Variants in CYFIP2 observed in about 807,000 individuals in gnomAD.
CYFIP2 encodes the protein cytoplasmic FMR1-interacting protein 2.
CYFIP2 carries 29 observed loss-of-function variants against 158.7 expected under a neutral mutation model. The ratio of observed to expected loss-of-function variants is 0.18; its 90% confidence interval spans 0.14 to 0.25. The LOEUF (loss-of-function observed/expected upper bound fraction) is 0.25. Ranked by LOEUF, CYFIP2 falls within the 10% of genes least tolerant of loss-of-function variation. The pLI is 1.00. For missense variants in CYFIP2, 852 were observed against 1,639.5 expected, an observed-to-expected ratio of 0.52 and a Z score of 8.29; for synonymous variants, 585 against 617.6, an observed-to-expected ratio of 0.95 and a Z score of 0.78.
In CYFIP2 at chr5:157,272,325, A is replaced by G. The variant is rs1220904613; in HGVS notation, c.-24+6130A>G. Among the ~76,000 whole-genome samples the G allele has an allele frequency of 2.0e-5, 3 of 152,166 alleles. No homozygotes were observed. In the East Asian group the frequency reaches 5.8e-4, roughly 29 times the overall value. ...GGAGCAGGGGACTGAAACAACAAAG[A>G]CCACCTTGCCAGTCAGTGCTGGGTA... On this transcript the variant is annotated intron_variant, in intron 1 of 30. Transcript: ENST00000620254.
At chr5:157,320,521 G>T in intron 14 of CYFIP2, 134 bp from the exon 15 acceptor site, 1 of 1,175,364 alleles carries the variant, frequency 8.5e-7, no homozygotes, top group Non-Finnish European at 1.2e-6. Flanking sequence ...GGGCAGAAAT[G>T]AGCATGCTTT....
chr5:157,378,494 A>G (rs571687300), intron 26 of CYFIP2, among the ~76,000 whole-genome samples: 1 of 152,292 alleles, frequency 6.6e-6, no homozygotes, highest in South Asian at 2.1e-4. Context: ...TAACTTTGCA[A>G]TTTAATGACA....
intron 28 of CYFIP2, among the ~76,000 whole-genome samples, chr5:157,386,362 C>T (rs1581203368): frequency 1.3e-5 from 2 of 151,934 alleles, no homozygotes; most frequent in Non-Finnish European, 1.5e-5. Flanking sequence ...GGATGACAGG[C>T]GCACAACACC....
At chr5:157,329,789 C>T (rs1442320015) in intron 19 of CYFIP2, among the ~76,000 whole-genome samples, 1 of 152,198 alleles carries the variant, frequency 6.6e-6, no homozygotes, top group Non-Finnish European at 1.5e-5. Context: ...TCAGTAGGCA[C>T]ATGTGGCTGG....
chr5:157,298,393 A>G (rs1758426183), intron 5 of CYFIP2, among the ~76,000 whole-genome samples: 1 of 151,920 alleles, frequency 6.6e-6, no homozygotes, highest in Non-Finnish European at 1.5e-5. Flanking sequence ...GTGCGGTGAC[A>G]CTATCTCGGC....
chr5:157,308,931 C>G (rs442809), intron 9 of CYFIP2, among the ~76,000 whole-genome samples: 98,679 of 152,028 alleles, frequency 0.65, 33,588 homozygotes, highest in Admixed American at 0.79. Context: ...CACTAAATCA[C>G]TGAAACTGAG....
chr5:157,372,149 G>A (rs1300729081), intron 26 of CYFIP2, among the ~76,000 whole-genome samples: 1 of 152,112 alleles, frequency 6.6e-6, no homozygotes, highest in Non-Finnish European at 1.5e-5. Flanking sequence ...CCACAAAAAA[G>A]CTATAAAAGA....
intron 18 of CYFIP2, among the ~76,000 whole-genome samples, chr5:157,327,620 G>C (rs1387697817): frequency 6.6e-6 from 1 of 152,002 alleles, no homozygotes; most frequent in Non-Finnish European, 1.5e-5. Context: ...ACATCCATCT[G>C]AAGAGATGGA....
chr5:157,299,337 G>C (rs1025902064), intron 5 of CYFIP2, among the ~76,000 whole-genome samples: 27 of 152,008 alleles, frequency 1.8e-4, no homozygotes, highest in African/African-American at 4.8e-4. Context: ...TACTCGCTCC[G>C]CTTCAGCCAC....
Position 157,390,430 on chromosome 5 carries a change from A to T in CYFIP2, c.3447-91A>T, listed in dbSNP as rs937931106. The T allele has an allele frequency of 3.2e-6, 4 of 1,267,256 alleles. No homozygotes were observed. In the Middle Eastern group the frequency reaches 8.2e-4, roughly 261 times the overall value. 78.5% of individuals were successfully genotyped at this position (1,267,256 alleles called of 1,614,324 possible). A position where few individuals can be genotyped will look rare whatever the true frequency, so the allele number is the denominator to read the frequency against. The stretch of plus-strand genomic sequence containing the variant: ...TGGCCCAAAGACAGGCCTGCTTAGT[A>T]GCTGTACTCCTGGCCCAAGATGAGG... On this transcript the variant is annotated intron_variant, in intron 29 of 30. Coordinates refer to ENST00000620254, the MANE Select transcript of CYFIP2 (RefSeq NM_001037333.3).
At chr5:157,315,117 T>C in intron 13 of CYFIP2, 23 bp downstream of exon 13, 3 of 1,612,154 alleles carry the variant, frequency 1.9e-6, no homozygotes, top group Non-Finnish European at 2.5e-6. Flanking sequence ...TCCCTGCATC[T>C]CCCTCCCTCC....
At chr5:157,290,007 G>C (rs1397530122) in intron 3 of CYFIP2, among the ~76,000 whole-genome samples, 1 of 152,124 alleles carries the variant, frequency 6.6e-6, no homozygotes, top group East Asian at 1.9e-4. Context: ...GATGGCACTG[G>C]GGTACAGCTA....
chr5:157,293,142 GC>G (rs1369566491), intron 3 of CYFIP2, among the ~76,000 whole-genome samples: 2 of 152,024 alleles, frequency 1.3e-5, no homozygotes, highest in Non-Finnish European at 2.9e-5. Flanking sequence ...TGCAGCCTCT[GC>G]CCCCCGAGTT....
chr5:157,343,070 T>C (rs200821834), intron 23 of CYFIP2: 111 of 1,614,080 alleles, frequency 6.9e-5, no homozygotes, highest in Non-Finnish European at 9.1e-5. Flanking sequence ...CACCAACCCA[T>C]TGGCCTCCTC....
chr5:157,293,714 A>C (rs567733251), intron 3 of CYFIP2, among the ~76,000 whole-genome samples: 218 of 152,346 alleles, frequency 1.4e-3, no homozygotes, highest in African/African-American at 4.9e-3. Flanking sequence ...CACTGCACAG[A>C]CAAAACCAAT....
At chr5:157,349,337 G>A (rs1762917884) in intron 23 of CYFIP2, among the ~76,000 whole-genome samples, 2 of 152,050 alleles carry the variant, frequency 1.3e-5, no homozygotes, top group Non-Finnish European at 2.9e-5. Flanking sequence ...TGTCCTCATA[G>A]CTTAGCTCCC....
intron 18 of CYFIP2, among the ~76,000 whole-genome samples, chr5:157,327,011 T>C (rs960468527): frequency 5.3e-5 from 8 of 152,236 alleles, no homozygotes; most frequent in African/African-American, 1.9e-4. Context: ...ATATTAAATC[T>C]GACAGTAAAT....
At chr5:157,314,236 G>A in intron 11 of CYFIP2, 108 bp from the exon 12 acceptor site, 1 of 1,384,590 alleles carries the variant, frequency 7.2e-7, no homozygotes, top group Non-Finnish European at 9.6e-7. Context: ...ATCTGTCAAG[G>A]GGATGTAATA....
At chr5:157,302,517 G>A (rs1027908074) in intron 6 of CYFIP2, among the ~76,000 whole-genome samples, 10 of 152,286 alleles carry the variant, frequency 6.6e-5, no homozygotes, top group Admixed American at 6.5e-4. Flanking sequence ...TTGATGGGAT[G>A]CTAGTTCCCC....
Sources: gnomAD v4.1 joint callset for allele counts (sites outside exome capture counted in the v4.1 genomes callset) on GRCh38, gnomAD v4.1.1 for gene constraint, MANE v1.5 for transcripts, NCBI Gene and HGNC (gene_info 2026-07-23, HGNC 2026-07-21) for gene names.